Variants in NTNG1 observed in about 807,000 individuals in gnomAD.
NTNG1 encodes netrin G1.
Under a neutral mutation model 54.0 loss-of-function variants are expected in NTNG1, and 16 were observed. That is an observed-to-expected ratio of 0.30 (90% confidence interval 0.20 to 0.45). The LOEUF is 0.45. Among genes scored for constraint, NTNG1 ranks in the 20% least tolerant of loss-of-function variants. The pLI is 1.00. For synonymous variants in NTNG1, 255 were observed against 263.1 expected (o/e 0.97, Z 0.30); for missense variants, 530 against 678.7 (o/e 0.78, Z 2.43).
intron 3 of NTNG1, among the ~76,000 whole-genome samples, chr1:107,380,523 A>G (rs1671578132): frequency 6.6e-6 from 1 of 152,242 alleles, no homozygotes; most frequent in African/African-American, 2.4e-5. Context: ...GTATAAATGA[A>G]GTAAAACACC....
intron 2 of NTNG1, among the ~76,000 whole-genome samples, chr1:107,201,969 T>C (rs1658792701): frequency 6.6e-6 from 1 of 151,896 alleles, no homozygotes; most frequent in Non-Finnish European, 1.5e-5. Context: ...ACTGGATTAT[T>C]CTGTTATAAT....
chr1:107,307,251 T>C (rs943203415), intron 2 of NTNG1, among the ~76,000 whole-genome samples: 1 of 152,208 alleles, frequency 6.6e-6, no homozygotes, highest in African/African-American at 2.4e-5. Context: ...GTGTATTCTA[T>C]GAAGAGATTA....
chr1:107,247,691 A>G (rs1662294123), intron 2 of NTNG1, among the ~76,000 whole-genome samples: 1 of 152,220 alleles, frequency 6.6e-6, no homozygotes, highest in Admixed American at 6.5e-5. Flanking sequence ...ACCATTTGCC[A>G]CATAAAGGAG....
intron 1 of NTNG1, among the ~76,000 whole-genome samples, chr1:107,146,201 T>C (rs1273283234): frequency 6.6e-6 from 1 of 152,128 alleles, no homozygotes; most frequent in African/African-American, 2.4e-5. Flanking sequence ...TTCAAGATTA[T>C]ATCATTCTTG....
At chr1:107,302,606 T>C (rs1203953707) in intron 2 of NTNG1, among the ~76,000 whole-genome samples, 1 of 152,126 alleles carries the variant, frequency 6.6e-6, no homozygotes, top group Non-Finnish European at 1.5e-5. Flanking sequence ...TATTGCTCAG[T>C]AGTGAGTCTT....
At chr1:107,297,211 ACC>A in intron 2 of NTNG1, among the ~76,000 whole-genome samples, 1 of 95,538 alleles carries the variant, frequency 1.0e-5, no homozygotes, top group African/African-American at 3.9e-5. Context: ...ATATATATAT[ACC>A]ATCATATATA....
intron 2 of NTNG1, among the ~76,000 whole-genome samples, chr1:107,232,665 G>A (rs1661153702): frequency 6.6e-6 from 1 of 152,158 alleles, no homozygotes. Context: ...GAGAAGTGAT[G>A]AGCCAAATTT....
intron 3 of NTNG1, among the ~76,000 whole-genome samples, chr1:107,326,085 A>G (rs1260643020): frequency 2.0e-5 from 3 of 152,030 alleles, no homozygotes; most frequent in African/African-American, 7.2e-5. Context: ...CTGTTAAGGT[A>G]AAGACCATAG....
chr1:107,229,627 G>A (rs1439968507), intron 2 of NTNG1, among the ~76,000 whole-genome samples: 1 of 151,966 alleles, frequency 6.6e-6, no homozygotes. Context: ...GGGCTGCTCT[G>A]TGGGGAGTTG....
intron 2 of NTNG1, among the ~76,000 whole-genome samples, chr1:107,206,119 C>T (rs1275654059): frequency 6.6e-6 from 1 of 151,858 alleles, no homozygotes; most frequent in Non-Finnish European, 1.5e-5. Context: ...AGGTGTATAC[C>T]TTGGAGAAGT....
chr1:107,409,346 T>C (rs1327783712), intron 5 of NTNG1: 3 of 152,262 alleles, frequency 2.0e-5, no homozygotes, highest in Non-Finnish European at 4.4e-5. Context: ...CAGAAATGGA[T>C]GGATGGAAAA....
rs369384156 is a variant in NTNG1 at position 107,293,679 on chromosome 1, A to G, written c.247-30603A>G. On this transcript the variant is annotated intron_variant, in intron 2 of 7. Coordinates refer to ENST00000370068, the MANE Select transcript of NTNG1 (RefSeq NM_001113226.3). Reference sequence around the variant, plus strand: ...TATAAAGTGGGGGTATAATTGTTCAATGCTTATAGGGATTTTGTGATGTTG... The same window carrying G: ...TATAAAGTGGGGGTATAATTGTTCAGTGCTTATAGGGATTTTGTGATGTTG... 3.3e-5 allele frequency among the ~76,000 whole-genome samples: 5 copies of G among 152,294 alleles called. No homozygotes were observed. The South Asian group carries it at 6.2e-4, about 19-fold the overall frequency.
chr1:107,361,389 A>ATTTTT (rs1261714656), intron 3 of NTNG1, among the ~76,000 whole-genome samples: 7 of 74,620 alleles, frequency 9.4e-5, no homozygotes, highest in African/African-American at 2.9e-4. Context: ...ATATATATAT[A>ATTTTT]TATTTTTTTT....
At chr1:107,198,615 T>C (rs1316120886) in intron 2 of NTNG1, among the ~76,000 whole-genome samples, 2 of 151,832 alleles carry the variant, frequency 1.3e-5, no homozygotes, top group African/African-American at 4.8e-5. Context: ...AGAGTAAACA[T>C]GTAAGAGAAA....
At chr1:107,147,691 A>G (rs971682269) in intron 1 of NTNG1, among the ~76,000 whole-genome samples, 2 of 152,184 alleles carry the variant, frequency 1.3e-5, no homozygotes, top group Non-Finnish European at 1.5e-5. Context: ...TTTCTTTGTC[A>G]TCATTATAAA....
At chr1:107,221,855 T>C (rs1660370698) in intron 2 of NTNG1, among the ~76,000 whole-genome samples, 1 of 152,160 alleles carries the variant, frequency 6.6e-6, no homozygotes, top group South Asian at 2.1e-4. Context: ...CCTTGAAAAC[T>C]TGAAGTGAAG....
intron 7 of NTNG1, among the ~76,000 whole-genome samples, chr1:107,461,256 G>C (rs144739575): frequency 3.8e-3 from 577 of 152,288 alleles, no homozygotes; most frequent in African/African-American, 0.013. Flanking sequence ...AGTCATTGAA[G>C]GTCTTTCTGA....
intron 2 of NTNG1, among the ~76,000 whole-genome samples, chr1:107,204,945 T>C (rs4483437): frequency 0.98 from 148,369 of 152,162 alleles, 72,449 homozygotes; most frequent in East Asian, 1. Context: ...GTCACTGAGC[T>C]AAAAGCATCT....
chr1:107,386,315 G>A (rs950233357), intron 3 of NTNG1, among the ~76,000 whole-genome samples: 9 of 151,628 alleles, frequency 5.9e-5, no homozygotes, highest in East Asian at 5.8e-4. Flanking sequence ...GATTACAGGC[G>A]CCCGCCACCA....
Sources: allele counts gnomAD v4.1 joint callset (sites outside exome capture counted in the v4.1 genomes callset), GRCh38; gene constraint gnomAD v4.1.1; transcripts MANE v1.5; gene names NCBI Gene and HGNC (gene_info 2026-07-23, HGNC 2026-07-21).